Variants in ARSB observed in about 807,000 individuals in gnomAD.
The protein encoded by ARSB is arylsulfatase B.
In ARSB, 41 loss-of-function variants were observed where a neutral mutation model predicts 50.9. That is an observed-to-expected ratio of 0.81 (90% CI 0.63 to 1.04). The LOEUF is 1.04. Among genes scored for constraint, ARSB ranks in the 50% least tolerant of loss-of-function variants. The pLI is 0.00. For missense variants in ARSB, 672 were observed against 693.3 expected, an observed-to-expected ratio of 0.97 and a Z score of 0.35; for synonymous variants, 269 against 284.8, an observed-to-expected ratio of 0.94 and a Z score of 0.56.
At chr5:78,945,561 A>G (rs144429429) in intron 4 of ARSB, among the ~76,000 whole-genome samples, 6 of 152,056 alleles carry the variant, frequency 3.9e-5, no homozygotes, top group African/African-American at 1.4e-4. Flanking sequence ...ATCACCCTCC[A>G]TTTCAGTTCT....
intron 3 of ARSB, among the ~76,000 whole-genome samples, chr5:78,962,900 C>A (rs1752053404): frequency 6.6e-6 from 1 of 152,148 alleles, no homozygotes; most frequent in South Asian, 2.1e-4. Context: ...ATACTGAGTT[C>A]AAACAGGCAG....
chr5:78,824,350 C>T (rs1001732951), intron 6 of ARSB, among the ~76,000 whole-genome samples: 5 of 152,172 alleles, frequency 3.3e-5, no homozygotes, highest in African/African-American at 9.7e-5. Flanking sequence ...GTCTTAAATA[C>T]TTATACAAAT....
chr5:78,884,080 T>A (rs2112204125), intron 5 of ARSB: 1 of 152,222 alleles, frequency 6.6e-6, no homozygotes, highest in South Asian at 2.1e-4. Context: ...GTGCAGTGGA[T>A]CTGTATTGGA....
chr5:78,968,312 TA>T, intron 2 of ARSB, among the ~76,000 whole-genome samples: 1 of 139,110 alleles, frequency 7.2e-6, no homozygotes, highest in East Asian at 2.1e-4. Context: ...ATTCATTTTT[TA>T]TTTTATTATT....
chr5:78,848,579 C>G (rs1470720123), intron 5 of ARSB, among the ~76,000 whole-genome samples: 1 of 151,336 alleles, frequency 6.6e-6, no homozygotes, highest in Non-Finnish European at 1.5e-5. Flanking sequence ...GGTATATACC[C>G]CGTAATGGGA....
At chr5:78,977,159 A>T (rs638073) in intron 1 of ARSB, among the ~76,000 whole-genome samples, 1 of 150,256 alleles carries the variant, frequency 6.7e-6, no homozygotes, top group Admixed American at 6.6e-5. Flanking sequence ...TTCTTTCCCC[A>T]CTTCCCCCCC....
At chr5:78,815,630 C>A in intron 6 of ARSB, 1 of 1,001,486 alleles carries the variant, frequency 1.0e-6, no homozygotes, top group Non-Finnish European at 1.2e-6. Flanking sequence ...TCTCTATATG[C>A]TATTAGGTAA....
chr5:78,985,317 C>G (rs1197781150), upstream of ARSB: 2 of 1,221,112 alleles, frequency 1.6e-6, no homozygotes, highest in Non-Finnish European at 2.0e-6. Context: ...GAATGAGGAA[C>G]TGGGCTGCCG....
intron 4 of ARSB, among the ~76,000 whole-genome samples, chr5:78,888,339 C>A (rs941101830): frequency 1.3e-5 from 2 of 152,222 alleles, no homozygotes; most frequent in African/African-American, 4.8e-5. Flanking sequence ...CATGATACTG[C>A]ACAGAGTAGC....
chr5:78,780,596 G>A lies in ARSB; in HGVS notation c.1403C>T (p.Pro468Leu). Residue 468 changes from proline (P) to leucine (L), a missense_variant, in exon 8 of 8, where the codon CCA becomes CTA. By Grantham distance (98) the Pro-to-Leu change is moderately conservative. Transcript: ENST00000264914. ...NVSEIPSSDPPTKTLWLFDID... is the reference protein window; with the variant it reads ...NVSEIPSSDPLTKTLWLFDID... ...ATCAAAGAGCCAGAGGGTCTTGGTT[G>A]GTGGGTCTGATGAGGGTATCTCAGA... The A allele has an allele frequency of 6.2e-7, 1 of 1,614,122 alleles. No homozygotes were observed.
chr5:78,905,344 G>GTTTTGTTTT (rs1554081215), intron 4 of ARSB, among the ~76,000 whole-genome samples: 5 of 130,554 alleles, frequency 3.8e-5, no homozygotes, highest in Non-Finnish European at 4.8e-5. Context: ...GTATTTTCCT[G>GTTTTGTTTT]TTTTTTTTTT....
At chr5:78,857,922 T>C (rs1370971457) in intron 5 of ARSB, among the ~76,000 whole-genome samples, 1 of 152,206 alleles carries the variant, frequency 6.6e-6, no homozygotes, top group African/African-American at 2.4e-5. Context: ...GATAGAACAT[T>C]TTTTATGTGC....
At chr5:78,782,378 A>G (rs888589011) in intron 6 of ARSB, among the ~76,000 whole-genome samples, 1 of 152,196 alleles carries the variant, frequency 6.6e-6, no homozygotes, top group African/African-American at 2.4e-5. Context: ...GAAATTATAA[A>G]ATGTACATTT....
intron 5 of ARSB, among the ~76,000 whole-genome samples, chr5:78,871,971 A>G (rs553968750): frequency 6.6e-6 from 1 of 151,928 alleles, no homozygotes; most frequent in Non-Finnish European, 1.5e-5. Context: ...AATTACAAGA[A>G]AAAAACAAAC....
Position 78,778,032 on chromosome 5 carries a change from A to G in ARSB, c.*2365T>C, listed in dbSNP as rs1748819988. The G allele has an allele frequency of 6.6e-6, 1 of 152,170 alleles. No homozygotes were observed. The highest frequency in any genetic ancestry group is 1.5e-5 in the Non-Finnish European group (1 of 68,028). The allele number at this position is 152,170 out of a possible 1,614,324, so 9.4% of individuals were successfully genotyped here. On this transcript the variant is annotated 3_prime_UTR_variant, in exon 8 of 8. Transcript: ENST00000264914. Reference sequence around the variant, plus strand: ...AGTCTTCAAAACTCTTTTGAAGTCCACTGGGTGCAGAACATCCCCCACTGT... The same window carrying G: ...AGTCTTCAAAACTCTTTTGAAGTCCGCTGGGTGCAGAACATCCCCCACTGT...
intron 5 of ARSB, among the ~76,000 whole-genome samples, chr5:78,862,375 C>G (rs1429921420): frequency 2.6e-5 from 4 of 152,142 alleles, no homozygotes; most frequent in Non-Finnish European, 5.9e-5. Context: ...TACTACAAGG[C>G]TACAGTAACC....
At chr5:78,801,614 G>A (rs904317252) in intron 6 of ARSB, among the ~76,000 whole-genome samples, 3 of 152,166 alleles carry the variant, frequency 2.0e-5, no homozygotes, top group African/African-American at 7.2e-5. Context: ...CAGTGTCTGC[G>A]TCATCTGCCC....
intron 6 of ARSB, among the ~76,000 whole-genome samples, chr5:78,833,517 A>G (rs1229419550): frequency 6.6e-6 from 1 of 152,214 alleles, no homozygotes; most frequent in East Asian, 1.9e-4. Context: ...GAAAGCAATT[A>G]CATCCCACAC....
rs1361695118 is a variant in ARSB at position 78,972,543 on chromosome 5, A to ACACACACACACACC, written c.313-3352_313-3351insGGTGTGTGTGTGTG. Among the ~76,000 whole-genome samples, 315 of 150,402 alleles carry ACACACACACACACC rather than the reference A, an allele frequency of 2.1e-3. 1 individual carries two copies. The highest frequency in any genetic ancestry group is 7.5e-3 in the African/African-American group (307 of 40,806). The stretch of plus-strand genomic sequence containing the variant: ...CACACACACACACACACACACACAC[A>ACACACACACACACC]CCCCAAATCAAAGTATTCTTTCCAT... On this transcript the variant is annotated intron_variant, in intron 1 of 7. Transcript: ENST00000264914.
Sources: allele counts gnomAD v4.1 joint callset (sites outside exome capture counted in the v4.1 genomes callset), GRCh38; gene constraint gnomAD v4.1.1; transcripts MANE v1.5; gene names NCBI Gene and HGNC (gene_info 2026-07-23, HGNC 2026-07-21).